Variants in IL1RAPL2 observed in about 807,000 individuals in gnomAD.
IL1RAPL2 encodes the protein X-linked interleukin-1 receptor accessory protein-like 2.
Under a neutral mutation model 44.1 loss-of-function variants are expected in IL1RAPL2, and 3 were observed. The ratio of observed to expected loss-of-function variants is 0.07; its 90% CI spans 0.03 to 0.18. The LOEUF (loss-of-function observed/expected upper bound fraction) is 0.18. Among genes scored for constraint, IL1RAPL2 ranks in the 10% least tolerant of loss-of-function variants. IL1RAPL2 has a pLI of 1.00. For synonymous variants in IL1RAPL2, 181 were observed against 178.8 expected (o/e 1.01, Z -0.10); for missense variants, 391 against 496.4 (o/e 0.79, Z 2.02).
At chrX:104,700,325 G>C (rs1319359090) in intron 2 of IL1RAPL2, among the ~76,000 whole-genome samples, 1 of 111,656 alleles carries the variant, frequency 9.0e-6, no homozygotes, top group Non-Finnish European at 1.9e-5. Flanking sequence ...TGAATATCGG[G>C]ATAGGTGATT....
At chrX:105,320,057 C>T (rs761570814) in intron 5 of IL1RAPL2, among the ~76,000 whole-genome samples, 2 of 110,316 alleles carry the variant, frequency 1.8e-5, no homozygotes, top group South Asian at 3.9e-4. Flanking sequence ...GGTAGATTGG[C>T]GAGATAGACT....
chrX:104,637,637 C>T (rs1345330459), intron 1 of IL1RAPL2, among the ~76,000 whole-genome samples: 1 of 110,743 alleles, frequency 9.0e-6, no homozygotes. Context: ...TATGCTGAAC[C>T]ATCCTTGCAA....
At chrX:105,728,362 T>TA (rs981525519) in intron 7 of IL1RAPL2, among the ~76,000 whole-genome samples, 6 of 111,602 alleles carry the variant, frequency 5.4e-5, no homozygotes, top group Non-Finnish European at 1.1e-4. Context: ...CAAAATACTT[T>TA]AAAAAATGCA....
intron 2 of IL1RAPL2, among the ~76,000 whole-genome samples, chrX:105,063,593 T>A (rs975565776): frequency 8.9e-6 from 1 of 112,173 alleles, no homozygotes; most frequent in African/African-American, 3.2e-5. Context: ...TCTATCCTTG[T>A]CAATGCTTAT....
At chrX:104,889,533 A>G (rs1474589459) in intron 2 of IL1RAPL2, among the ~76,000 whole-genome samples, 7 of 111,886 alleles carry the variant, frequency 6.3e-5, no homozygotes, top group African/African-American at 2.3e-4. Flanking sequence ...TACTAACTGG[A>G]CAGGCACCTG....
chrX:104,603,240 G>C, intron 1 of IL1RAPL2, among the ~76,000 whole-genome samples: 1 of 111,439 alleles, frequency 9.0e-6, no homozygotes, highest in Non-Finnish European at 1.9e-5. Context: ...AGAGGGGTCT[G>C]TCAGAAGGAA....
intron 2 of IL1RAPL2, among the ~76,000 whole-genome samples, chrX:104,733,397 G>A (rs1374406599): frequency 9.1e-6 from 1 of 110,205 alleles, no homozygotes; most frequent in Non-Finnish European, 1.9e-5. Context: ...TTCTAGACCA[G>A]CCTGGCCAAC....
intron 6 of IL1RAPL2, among the ~76,000 whole-genome samples, chrX:105,572,787 A>C (rs1384481774): frequency 8.9e-6 from 1 of 112,034 alleles, no homozygotes; most frequent in Non-Finnish European, 1.9e-5. Flanking sequence ...GCAAAGTATA[A>C]ATTATTTACT....
intron 6 of IL1RAPL2, among the ~76,000 whole-genome samples, chrX:105,640,345 C>T (rs181213968): frequency 3.7e-5 from 4 of 109,347 alleles, no homozygotes. Flanking sequence ...ACCCTTCTTC[C>T]ATCTCTGTAT....
At chrX:104,890,998 G>T (rs1923419260) in intron 2 of IL1RAPL2, among the ~76,000 whole-genome samples, 1 of 111,956 alleles carries the variant, frequency 8.9e-6, no homozygotes. Context: ...AAGGGATCCA[G>T]TTTCAGCTTT....
chrX:105,037,571 T>C (rs1381755450), intron 2 of IL1RAPL2, among the ~76,000 whole-genome samples: 1 of 111,242 alleles, frequency 9.0e-6, no homozygotes, highest in Non-Finnish European at 1.9e-5. Context: ...AGCAGCCCTC[T>C]AATAGGTATT....
chrX:105,626,810 T>G (rs1306530047), intron 6 of IL1RAPL2, among the ~76,000 whole-genome samples: 1 of 111,508 alleles, frequency 9.0e-6, no homozygotes, highest in African/African-American at 3.3e-5. Flanking sequence ...TGAGATATTA[T>G]TTTCTACCTT....
intron 2 of IL1RAPL2, among the ~76,000 whole-genome samples, chrX:104,772,925 T>C (rs986692347): frequency 7.2e-5 from 8 of 111,669 alleles, no homozygotes; most frequent in Non-Finnish European, 1.5e-4. Flanking sequence ...TTTCTTTTTT[T>C]TTGAGACAAG....
At chrX:105,563,667 CA>C (rs769970754) in intron 6 of IL1RAPL2, among the ~76,000 whole-genome samples, 1 of 111,727 alleles carries the variant, frequency 9.0e-6, no homozygotes, top group African/African-American at 3.2e-5. Flanking sequence ...CTCATGGGAA[CA>C]AAGGACCAAT....
At chrX:105,329,150 A>AGGTTGGT (rs2034965758) in intron 5 of IL1RAPL2, among the ~76,000 whole-genome samples, 2 of 112,476 alleles carry the variant, frequency 1.8e-5, no homozygotes, top group South Asian at 3.7e-4. Flanking sequence ...AATCAACAGA[A>AGGTTGGT]CTGATACATT....
intron 2 of IL1RAPL2, among the ~76,000 whole-genome samples, chrX:105,042,746 A>G (rs1419788160): frequency 2.8e-5 from 3 of 106,986 alleles, no homozygotes; most frequent in Non-Finnish European, 3.9e-5. Flanking sequence ...CCAAAGGACT[A>G]TAAATCATGC....
In IL1RAPL2 at chrX:104,772,994, C is replaced by G. The variant is rs989492439; in HGVS notation, c.82+113999C>G. ...GCACACACACAGCTCACTGCAGCCT[C>G]AACTTCCTGGGCTCCAGTGATCCTC... On this transcript the variant is annotated intron_variant, in intron 2 of 10. Coordinates refer to ENST00000372582, the MANE Select transcript of IL1RAPL2 (RefSeq NM_017416.2). Among the ~76,000 whole-genome samples the G allele has an allele frequency of 1.1e-4, 12 of 111,293 alleles. No individual in the cohort carries two copies. In the Admixed American group the frequency reaches 1.1e-3, roughly 11 times the overall value.
chrX:104,880,536 C>A (rs1212695396), intron 2 of IL1RAPL2, among the ~76,000 whole-genome samples: 1 of 111,483 alleles, frequency 9.0e-6, no homozygotes, highest in Non-Finnish European at 1.9e-5. Context: ...CATTATTTTC[C>A]AGGAGGATGG....
chrX:105,291,037 T>C (rs1189742129), intron 5 of IL1RAPL2, among the ~76,000 whole-genome samples: 1 of 111,489 alleles, frequency 9.0e-6, no homozygotes, highest in Non-Finnish European at 1.9e-5. Context: ...ATTTAAAGCC[T>C]CCTCTAGGCT....
Sources: allele counts gnomAD v4.1 joint callset (sites outside exome capture counted in the v4.1 genomes callset), GRCh38; gene constraint gnomAD v4.1.1; transcripts MANE v1.5; gene names NCBI Gene and HGNC (gene_info 2026-07-23, HGNC 2026-07-21).